The following ADAMTS3 variants were observed in gnomAD, a reference collection of about 807,000 sequenced individuals.
ADAMTS3 encodes ADAM metallopeptidase with thrombospondin type 1 motif 3.
In ADAMTS3, 73 loss-of-function variants were observed where a neutral mutation model predicts 129.0. The observed-to-expected ratio is 0.57, with a 90% CI of 0.47 to 0.69. The LOEUF (loss-of-function observed/expected upper bound fraction) is 0.69, where lower values mean the gene tolerates loss of function less well. Ranked by LOEUF, ADAMTS3 falls within the 30% of genes least tolerant of loss-of-function variation. ADAMTS3 has a pLI of 0.00. For synonymous variants in ADAMTS3, 477 were observed against 510.8 expected (o/e 0.93, Z 0.89); for missense variants, 1,457 against 1,514.5 (o/e 0.96, Z 0.63).
chr4:72,283,170 C>T lies in ADAMTS3; in HGVS notation c.3584G>A (p.Arg1195Lys), dbSNP rs909325064. 11 of 1,612,670 alleles carry T rather than the reference C, an allele frequency of 6.8e-6. No homozygotes were observed. The Admixed American group carries it at 8.3e-5, about 12-fold the overall frequency. Residue 1195 changes from arginine (R) to lysine (K), a missense_variant, in exon 22 of 22, where the codon AGA becomes AAA. Arg to Lys is a conservative substitution (Grantham distance 26). Coordinates refer to ENST00000286657, the MANE Select transcript of ADAMTS3 (RefSeq NM_014243.3). ...TAAGGTGGATGATCTTGTCGGACGT[C>T]TGTTGTCAATGATCTTTCCATCTTT... Reference protein sequence around the residue: ...SKKDGKIIDNRRPTRSSTLER With the variant: ...SKKDGKIIDNKRPTRSSTLER
chr4:72,513,124 T>C (rs788934), intron 3 of ADAMTS3, among the ~76,000 whole-genome samples: 98,555 of 152,014 alleles, frequency 0.65, 32,504 homozygotes, highest in African/African-American at 0.77. Flanking sequence ...TACCCACGAC[T>C]CCCATCTCCT....
intron 1 of ADAMTS3, among the ~76,000 whole-genome samples, chr4:72,567,685 CG>C (rs1560570843): frequency 6.6e-6 from 1 of 152,172 alleles, no homozygotes; most frequent in Non-Finnish European, 1.5e-5. Flanking sequence ...TCTGAAATGT[CG>C]TACTGGGTCT....
At chr4:72,463,551 C>T (rs1401929171) in intron 3 of ADAMTS3, among the ~76,000 whole-genome samples, 1 of 151,888 alleles carries the variant, frequency 6.6e-6, no homozygotes, top group Non-Finnish European at 1.5e-5. Flanking sequence ...TCCACAGCTC[C>T]TCCAATTTCT....
intron 2 of ADAMTS3, among the ~76,000 whole-genome samples, chr4:72,562,723 T>C (rs1039026340): frequency 5.9e-5 from 9 of 152,156 alleles, no homozygotes; most frequent in African/African-American, 2.2e-4. Flanking sequence ...AGTGGGCACT[T>C]GTAAGACATC....
chr4:72,533,180 A>C (rs1464030777), intron 3 of ADAMTS3, among the ~76,000 whole-genome samples: 11 of 152,170 alleles, frequency 7.2e-5, no homozygotes, highest in Admixed American at 6.5e-4. Context: ...CCTATTCTAT[A>C]AGGCTTGTCT....
chr4:72,392,845 A>C (rs1206806271), intron 4 of ADAMTS3, among the ~76,000 whole-genome samples: 1 of 152,174 alleles, frequency 6.6e-6, no homozygotes, highest in Non-Finnish European at 1.5e-5. Context: ...AGGAGGAACT[A>C]GAAAAGAAAT....
At chr4:72,382,297 CTAATGACTA>C (rs1721313298) in intron 4 of ADAMTS3, among the ~76,000 whole-genome samples, 1 of 151,644 alleles carries the variant, frequency 6.6e-6, no homozygotes, top group African/African-American at 2.4e-5. Context: ...ATAATTATAT[CTAATGACTA>C]CATAGTAGTC....
chr4:72,352,950 A>T lies in ADAMTS3; in HGVS notation c.662-13257T>A, dbSNP rs115784183. ...ATGAAGAATCTTAAATATTTTGTAA[A>T]CAGGCTTCAGGCCAGATTTCCTGGG... On this transcript the variant is annotated intron_variant, in intron 4 of 21. Transcript: ENST00000286657. Among the ~76,000 whole-genome samples the T allele has an allele frequency of 4.6e-5, 7 of 152,084 alleles. No individual in the cohort carries two copies. In the East Asian group the frequency reaches 1.4e-3, roughly 30 times the overall value.
At chr4:72,472,939 A>C (rs1429835530) in intron 3 of ADAMTS3, among the ~76,000 whole-genome samples, 1 of 152,198 alleles carries the variant, frequency 6.6e-6, no homozygotes, top group African/African-American at 2.4e-5. Flanking sequence ...AGAGAAATTC[A>C]TCTAAAAGTT....
Position 72,319,340 on chromosome 4 carries a change from T to A in ADAMTS3, c.1344A>T (p.Arg448Ser), listed in dbSNP as rs1402557529. The A allele has an allele frequency of 6.2e-7, 1 of 1,613,776 alleles. No homozygotes were observed. Among genetic ancestry groups the A allele is most frequent in the African/African-American group, 1.3e-5 (1 of 74,898 alleles). ...TGCAGCAGGGGACATACTGGATATATCTTTTCAGTTCTTGACCACTGCATC... is the reference window on the plus strand; with the variant it reads ...TGCAGCAGGGGACATACTGGATATAACTTTTCAGTTCTTGACCACTGCATC... The part of the protein sequence containing the change: ...WSRCSGQELK[R>S]YIHSYDCLLD... Residue 448 changes from arginine to serine, a missense_variant, in exon 9 of 22, where the codon AGA becomes AGT. Arg to Ser is a moderately radical substitution (Grantham distance 110). Transcript: ENST00000286657.
intron 21 of ADAMTS3, among the ~76,000 whole-genome samples, chr4:72,284,755 G>A (rs1718456706): frequency 6.6e-6 from 1 of 152,138 alleles, no homozygotes; most frequent in Admixed American, 6.6e-5. Context: ...CATACTGCAT[G>A]TGTACACATT....
At chr4:72,486,896 G>A (rs1719605301) in intron 3 of ADAMTS3, among the ~76,000 whole-genome samples, 1 of 151,992 alleles carries the variant, frequency 6.6e-6, no homozygotes, top group Non-Finnish European at 1.5e-5. Flanking sequence ...AAGGTAGAAG[G>A]GCAAAATATA....
At chr4:72,320,651 A>G in intron 7 of ADAMTS3, 63 bp downstream of exon 7, 6 of 1,543,432 alleles carry the variant, frequency 3.9e-6, no homozygotes, top group Non-Finnish European at 5.3e-6. Context: ...AGACTGCCTG[A>G]TTTAGGATTA....
Position 72,323,140 on chromosome 4 carries a change from G to A in ADAMTS3, c.862-43C>T, listed in dbSNP as rs1002352710. 8.1e-6 allele frequency: 12 copies of A among 1,489,902 alleles called. No homozygotes were observed. In the African/African-American group the frequency reaches 8.3e-5, roughly 10 times the overall value. The allele number at this position is 1,489,902 out of a possible 1,614,324, so 92.3% of individuals were successfully genotyped here. A position where few individuals can be genotyped will look rare whatever the true frequency, so the allele number is the denominator to read the frequency against. On this transcript the variant is annotated intron_variant, in intron 5 of 21. Coordinates refer to ENST00000286657, the MANE Select transcript of ADAMTS3 (RefSeq NM_014243.3). ...TAATTGCTAAAAGAAAGGAAACACC[G>A]AGGATTTCATGAGATGTACATATAA...
chr4:72,510,730 A>G (rs1720289586), intron 3 of ADAMTS3, among the ~76,000 whole-genome samples: 1 of 151,448 alleles, frequency 6.6e-6, no homozygotes, highest in Admixed American at 6.6e-5. Flanking sequence ...CAAAATACCA[A>G]TAGATGTTAT....
intron 2 of ADAMTS3, among the ~76,000 whole-genome samples, chr4:72,561,812 G>A (rs1160183402): frequency 1.3e-5 from 2 of 152,126 alleles, no homozygotes; most frequent in African/African-American, 2.4e-5. Context: ...CTCACAATTT[G>A]TTCTAAATTC....
chr4:72,518,491 T>C (rs1720560652), intron 3 of ADAMTS3, among the ~76,000 whole-genome samples: 1 of 152,108 alleles, frequency 6.6e-6, no homozygotes, highest in Non-Finnish European at 1.5e-5. Context: ...TGTAGGTCAC[T>C]CAGGACTTGC....
At chr4:72,518,143 G>A (rs1455591548) in intron 3 of ADAMTS3, among the ~76,000 whole-genome samples, 13 of 151,990 alleles carry the variant, frequency 8.6e-5, no homozygotes, top group East Asian at 7.7e-4. Context: ...GTAGTTGAGC[G>A]GTTTTGAGTG....
chr4:72,376,992 G>A (rs11727897), intron 4 of ADAMTS3, among the ~76,000 whole-genome samples: 86,742 of 152,012 alleles, frequency 0.57, 28,927 homozygotes, highest in Non-Finnish European at 0.77. Flanking sequence ...TACTGAAAAA[G>A]AGAGAGAATA....
Sources: gnomAD v4.1 joint callset for allele counts (sites outside exome capture counted in the v4.1 genomes callset) on GRCh38, gnomAD v4.1.1 for gene constraint, MANE v1.5 for transcripts, NCBI Gene and HGNC (gene_info 2026-07-23, HGNC 2026-07-21) for gene names.